Variants in WTAP observed in about 807,000 individuals in gnomAD.
The protein encoded by WTAP is pre-mRNA-splicing regulator WTAP.
In WTAP, 8 loss-of-function variants were observed where a neutral mutation model predicts 50.0. The ratio of observed to expected loss-of-function variants is 0.16; its 90% confidence interval spans 0.09 to 0.29. WTAP has a LOEUF of 0.29. Among genes scored for constraint, WTAP ranks in the 10% least tolerant of loss-of-function variants. WTAP has a pLI of 1.00. For synonymous variants in WTAP, 194 were observed against 169.0 expected (o/e 1.15, Z -1.15); for missense variants, 295 against 470.7 (o/e 0.63, Z 3.45).
rs1562452316 is a variant in WTAP, at chr6:159,732,884, A to AGTGTGTGTG, written c.-8-3374_-8-3373insGTGTGTGTG. ...TCTCTCTCTCTCTCTGTATATATAT[A>AGTGTGTGTG]TAGTGTGTGTGTGTGTGTGTGTGTG... is the stretch of plus-strand genomic sequence containing the variant. On this transcript the variant is annotated intron_variant, in intron 1 of 7. Coordinates refer to ENST00000621533, the MANE Select transcript of WTAP (RefSeq NM_001270531.2). Among the ~76,000 whole-genome samples the AGTGTGTGTG allele has an allele frequency of 3.6e-5, 3 of 83,486 alleles. No homozygotes were observed. The East Asian group carries it at 1.1e-3, about 29-fold the overall frequency. 54.8% of individuals were successfully genotyped at this position (83,486 alleles called of 152,430 possible).
At chr6:159,727,458 G>T (rs1296048623), upstream of WTAP, 21 of 1,007,010 alleles carry the variant, frequency 2.1e-5, no homozygotes, top group Non-Finnish European at 2.2e-5. Flanking sequence ...GGGCAGGGCG[G>T]AGCGGAGCCG....
intron 2 of WTAP, among the ~76,000 whole-genome samples, chr6:159,738,275 A>G (rs901135209): frequency 5.9e-5 from 9 of 152,162 alleles, no homozygotes; most frequent in Non-Finnish European, 1.5e-5. Context: ...GCAACCACTA[A>G]TTTATCTCCA....
chr6:159,753,013 A>T (rs1340419671), intron 6 of WTAP, among the ~76,000 whole-genome samples: 1 of 152,174 alleles, frequency 6.6e-6, no homozygotes, highest in Non-Finnish European at 1.5e-5. Flanking sequence ...ACTCTCATTC[A>T]TTTTTATTTG....
At chr6:159,736,507 T>C in intron 2 of WTAP, 2 of 420,088 alleles carry the variant, frequency 4.8e-6, no homozygotes, top group Non-Finnish European at 8.4e-6. Context: ...TTTCAGATTT[T>C]GGAAAACTTT....
chr6:159,745,977 G>A (rs1038817981), intron 5 of WTAP, among the ~76,000 whole-genome samples: 9 of 152,192 alleles, frequency 5.9e-5, no homozygotes, highest in Non-Finnish European at 1.2e-4. Context: ...ACTGAGTAAC[G>A]ATGCTACTAG....
chr6:159,743,916 C>A, intron 5 of WTAP, 124 bp downstream of exon 5: 1 of 1,076,904 alleles, frequency 9.3e-7, no homozygotes, highest in Non-Finnish European at 1.2e-6. Context: ...GGTACGTATG[C>A]TTTGAGCTTT....
upstream of WTAP, chr6:159,727,337 A>G: frequency 1.7e-6 from 2 of 1,190,556 alleles, no homozygotes; most frequent in Non-Finnish European, 2.1e-6. Context: ...CTCTCCTGTG[A>G]GTGGGCCAGA....
chr6:159,732,536 A>G (rs984238454), intron 1 of WTAP, among the ~76,000 whole-genome samples: 1 of 152,236 alleles, frequency 6.6e-6, no homozygotes, highest in Admixed American at 6.5e-5. Flanking sequence ...AAGATTTTTT[A>G]AATTAAAAAT....
intron 1 of WTAP, among the ~76,000 whole-genome samples, chr6:159,731,412 G>A (rs987023568): frequency 7.2e-5 from 11 of 152,122 alleles, no homozygotes; most frequent in Non-Finnish European, 4.4e-5. Flanking sequence ...AGGCTGCAGT[G>A]AGCTGTGATC....
intron 6 of WTAP, 188 bp from the exon 7 acceptor site, chr6:159,753,272 C>G (rs1227766607): frequency 1.3e-5 from 10 of 785,446 alleles, no homozygotes; most frequent in Non-Finnish European, 2.0e-5. Flanking sequence ...TTTATTTTTA[C>G]TGCTGTGTTG....
intron 7 of WTAP, 91 bp from the exon 8 acceptor site, chr6:159,754,937 T>C (rs1233507145): frequency 1.5e-6 from 2 of 1,318,668 alleles, no homozygotes; most frequent in Non-Finnish European, 2.0e-6. Flanking sequence ...CTTGAGCGTT[T>C]ATTGACTCCC....
At chr6:159,732,038 G>T (rs376672566) in intron 1 of WTAP, among the ~76,000 whole-genome samples, 2 of 152,098 alleles carry the variant, frequency 1.3e-5, no homozygotes, top group South Asian at 2.1e-4. Context: ...GATGATCCTT[G>T]CCAAAATCCT....
chr6:159,744,251 A>C (rs1562461716), intron 5 of WTAP, among the ~76,000 whole-genome samples: 1 of 152,170 alleles, frequency 6.6e-6, no homozygotes, highest in Non-Finnish European at 1.5e-5. Flanking sequence ...TTTGATGTGT[A>C]CTGTGTAGTA....
Position 159,748,295 on chromosome 6 carries a change from T to G in WTAP, c.378T>G (p.Gly126=), listed in dbSNP as rs1222416443. ...AINLFFLKMK[G]ELEQTKDKLE... ...ACTTGTTTTTCCTAAAAATGAAAGG[T>G]GAACTGGAACAGACTAAAGACAAAC... The change falls in exon 6 of 8, where the codon GGT becomes GGG. Residue 126 remains glycine, a synonymous_variant. Coordinates refer to ENST00000621533, the MANE Select transcript of WTAP (RefSeq NM_001270531.2). The surrounding 1 kb of genome is among the most constrained non-coding windows in gnomAD (Gnocchi z 5.6). 6 of 1,613,850 alleles carry G rather than the reference T, an allele frequency of 3.7e-6. No individual in the cohort carries two copies. The highest frequency in any genetic ancestry group is 5.1e-6 in the Non-Finnish European group (6 of 1,179,940).
chr6:159,727,891 C>T (rs1305650276), intron 1 of WTAP, among the ~76,000 whole-genome samples, 188 bp downstream of exon 1: 1 of 152,224 alleles, frequency 6.6e-6, no homozygotes, highest in Non-Finnish European at 1.5e-5. Flanking sequence ...CGCTTCGAGG[C>T]CATTTTATCT....
rs201301668 is a variant in WTAP, at chr6:159,728,438, CTA to C, written c.-9+737_-9+738del. On this transcript the variant is annotated intron_variant, in intron 1 of 7. Coordinates refer to ENST00000621533, the MANE Select transcript of WTAP (RefSeq NM_001270531.2). The stretch of plus-strand genomic sequence containing the variant: ...AAAAAAACAAAACAAAACAAAAAAA[CTA>C]TTATTTAGTCTGGTAGGGAAATACT... 9.3e-3 allele frequency among the ~76,000 whole-genome samples: 1,396 copies of C among 149,552 alleles called. 14 individuals carry two copies. Among genetic ancestry groups the C allele is most frequent in the Middle Eastern group, 0.021 (6 of 290 alleles).
chr6:159,729,823 T>C (rs1053972233), intron 1 of WTAP, among the ~76,000 whole-genome samples: 2 of 152,244 alleles, frequency 1.3e-5, no homozygotes, highest in Non-Finnish European at 2.9e-5. Flanking sequence ...CCGTGTCTTC[T>C]TACTGAAGTT....
chr6:159,727,402 A>AGGCGGGT (rs773728704), upstream of WTAP: 1 of 1,162,422 alleles, frequency 8.6e-7, no homozygotes, highest in Non-Finnish European at 1.1e-6. Flanking sequence ...GGGAGGCGGG[A>AGGCGGGT]GGCAGTGGCG....
chr6:159,740,420 G>A (rs1292153459), intron 3 of WTAP, among the ~76,000 whole-genome samples: 2 of 152,198 alleles, frequency 1.3e-5, no homozygotes, highest in Admixed American at 6.5e-5. Context: ...GATTCCCTTG[G>A]AGATTTTAAA....
Sources: gnomAD v4.1 joint callset for allele counts (sites outside exome capture counted in the v4.1 genomes callset) on GRCh38, gnomAD v4.1.1 for gene constraint, Gnocchi (gnomAD v3.1) non-coding constraint, MANE v1.5 for transcripts, NCBI Gene and HGNC (gene_info 2026-07-23, HGNC 2026-07-21) for gene names.